The following NPAS3 variants were observed in gnomAD, a reference collection of about 807,000 sequenced individuals.
NPAS3 encodes neuronal PAS domain protein 3.
Under a neutral mutation model 73.1 loss-of-function variants are expected in NPAS3, and 14 were observed. The observed-to-expected ratio is 0.19, with a 90% CI of 0.13 to 0.30. The LOEUF (loss-of-function observed/expected upper bound fraction) is 0.30. NPAS3 is among the 10% of genes least tolerant of loss of function. The pLI, the probability that NPAS3 is intolerant of heterozygous loss-of-function variation, is 1.00. For missense variants in NPAS3, 1,096 were observed against 1,250.0 expected, an observed-to-expected ratio of 0.88 and a Z score of 1.86; for synonymous variants, 620 against 541.5, an observed-to-expected ratio of 1.14 and a Z score of -2.01.
At chr14:33,447,137 T>C (rs902941633) in intron 4 of NPAS3, among the ~76,000 whole-genome samples, 2 of 152,238 alleles carry the variant, frequency 1.3e-5, no homozygotes, top group East Asian at 1.9e-4. Flanking sequence ...CATGGGCATA[T>C]GCAAAAGGCC....
intron 5 of NPAS3, among the ~76,000 whole-genome samples, chr14:33,587,062 T>A (rs1460101467): frequency 6.6e-6 from 1 of 152,172 alleles, no homozygotes; most frequent in Non-Finnish European, 1.5e-5. Flanking sequence ...CTTAAATAGT[T>A]TCATTCTTCT....
intron 11 of NPAS3, among the ~76,000 whole-genome samples, chr14:33,798,799 C>T (rs2063588871): frequency 6.6e-6 from 1 of 152,030 alleles, no homozygotes; most frequent in Non-Finnish European, 1.5e-5. Context: ...AATTCCTAGC[C>T]CATTGAGCTT....
chr14:33,469,322 G>A (rs192202657), intron 4 of NPAS3, among the ~76,000 whole-genome samples: 34 of 151,024 alleles, frequency 2.3e-4, no homozygotes, highest in African/African-American at 7.8e-4. Context: ...AAGAGTGTGT[G>A]TGTATGTATA....
chr14:33,428,007 G>A (rs577385822), intron 4 of NPAS3, among the ~76,000 whole-genome samples: 4 of 152,052 alleles, frequency 2.6e-5, no homozygotes, highest in Non-Finnish European at 5.9e-5. Flanking sequence ...TGTTATAGTG[G>A]TAGTTTGTGT....
At chr14:33,262,414 GTTGA>G (rs2049007668) in intron 3 of NPAS3, among the ~76,000 whole-genome samples, 2 of 152,316 alleles carry the variant, frequency 1.3e-5, no homozygotes, top group Admixed American at 6.5e-5. Context: ...GGATGATAAA[GTTGA>G]TTGATTGAGC....
Position 33,800,401 on chromosome 14 carries a change from C to A in NPAS3, c.2094C>A (p.Gly698=). 1.9e-6 allele frequency: 3 copies of A among 1,571,248 alleles called. No individual in the cohort carries two copies. Among genetic ancestry groups the A allele is most frequent in the Non-Finnish European group, 2.6e-6 (3 of 1,156,086 alleles). The change falls in exon 12 of 12, where the codon GGC becomes GGA. Residue 698 remains glycine (G), a synonymous_variant. Coordinates refer to ENST00000356141, the Ensembl canonical transcript of NPAS3. The surrounding 1 kb of genome is among the most constrained non-coding windows in gnomAD (Gnocchi z 6.5). ...ACTTCCCGTCCCCGCAGGGCGGCGG[C>A]GGTGGGGGTGGCGGTGGCGGGGGGC...
chr14:33,076,021 G>T (rs1051695304), intron 2 of NPAS3, among the ~76,000 whole-genome samples: 13 of 151,848 alleles, frequency 8.6e-5, no homozygotes, highest in African/African-American at 2.4e-4. Flanking sequence ...ATGTATTTTT[G>T]CATTTTCCAT....
chr14:33,769,745 A>ATTTTTTTTT (rs5807743), intron 7 of NPAS3, among the ~76,000 whole-genome samples: 8 of 103,326 alleles, frequency 7.7e-5, no homozygotes, highest in East Asian at 2.8e-4. Context: ...AAAGACTTGG[A>ATTTTTTTTT]TTTTTTTTTT....
At chr14:33,458,168 G>C (rs943976241) in intron 4 of NPAS3, among the ~76,000 whole-genome samples, 1 of 152,188 alleles carries the variant, frequency 6.6e-6, no homozygotes, top group Non-Finnish European at 1.5e-5. Flanking sequence ...CTCAAGAAAA[G>C]TTCCTCTTTT....
intron 4 of NPAS3, among the ~76,000 whole-genome samples, chr14:33,382,451 C>T (rs2046597670): frequency 6.6e-6 from 1 of 152,084 alleles, no homozygotes; most frequent in Non-Finnish European, 1.5e-5. Context: ...GAGATTGCTA[C>T]ACATTATTTT....
At chr14:33,138,016 T>C (rs558697010) in intron 2 of NPAS3, among the ~76,000 whole-genome samples, 1 of 152,100 alleles carries the variant, frequency 6.6e-6, no homozygotes, top group East Asian at 1.9e-4. Context: ...TGTAACATCT[T>C]TCTCATCTTG....
At chr14:33,579,576 C>T (rs114570257) in intron 5 of NPAS3, among the ~76,000 whole-genome samples, 8 of 151,954 alleles carry the variant, frequency 5.3e-5, no homozygotes, top group Non-Finnish European at 7.4e-5. Context: ...ATTTCATAGA[C>T]GTGCTATTAG....
intron 3 of NPAS3, among the ~76,000 whole-genome samples, chr14:33,348,410 T>G (rs2044853424): frequency 6.6e-6 from 1 of 152,110 alleles, no homozygotes; most frequent in Non-Finnish European, 1.5e-5. Flanking sequence ...CCTATGTAGA[T>G]AGGGAAAACT....
chr14:33,529,968 G>A (rs1595094168), intron 4 of NPAS3, among the ~76,000 whole-genome samples: 2 of 152,076 alleles, frequency 1.3e-5, no homozygotes, highest in Non-Finnish European at 1.5e-5. Context: ...CCAGGGATGC[G>A]CCAGGCATCT....
intron 1 of NPAS3, among the ~76,000 whole-genome samples, chr14:32,958,688 A>C (rs2036780170): frequency 6.6e-6 from 1 of 152,184 alleles, no homozygotes; most frequent in South Asian, 2.1e-4. Flanking sequence ...GTCCATGGCC[A>C]TTCATACTTC....
intron 1 of NPAS3, among the ~76,000 whole-genome samples, chr14:33,010,875 C>T (rs2039164617): frequency 1.4e-5 from 2 of 145,742 alleles, no homozygotes; most frequent in Non-Finnish European, 3.0e-5. Flanking sequence ...TTTGAGGCTG[C>T]AGTGAGCTAG....
At chr14:33,005,442 C>T (rs1308319293) in intron 1 of NPAS3, among the ~76,000 whole-genome samples, 1 of 152,140 alleles carries the variant, frequency 6.6e-6, no homozygotes, top group Non-Finnish European at 1.5e-5. Flanking sequence ...AGTCCCATCA[C>T]GTCACAGTTT....
chr14:33,526,922 G>A (rs569602288), intron 4 of NPAS3, among the ~76,000 whole-genome samples: 3 of 152,178 alleles, frequency 2.0e-5, no homozygotes, highest in South Asian at 2.1e-4. Flanking sequence ...ATGAGAACAA[G>A]GTCCTTTCAA....
chr14:32,938,960 C>G (rs1182477616), upstream of NPAS3, among the ~76,000 whole-genome samples: 2 of 146,106 alleles, frequency 1.4e-5, no homozygotes, highest in African/African-American at 4.9e-5. Context: ...GCATGGACGG[C>G]GGCGGCGCCG....
Sources: allele counts gnomAD v4.1 joint callset (sites outside exome capture counted in the v4.1 genomes callset), GRCh38; gene constraint gnomAD v4.1.1; non-coding constraint Gnocchi (gnomAD v3.1); transcripts MANE v1.5; gene names NCBI Gene and HGNC (gene_info 2026-07-23, HGNC 2026-07-21).